CREB3L2: variants seen among roughly 807,000 people sequenced by gnomAD.
CREB3L2 encodes cyclic AMP-responsive element-binding protein 3-like protein 2.
A neutral mutation model predicts 57.2 loss-of-function variants in CREB3L2; 23 were observed. The ratio of observed to expected loss-of-function variants is 0.40; its 90% CI spans 0.29 to 0.57. The LOEUF (loss-of-function observed/expected upper bound fraction) is 0.57. Among genes scored for constraint, CREB3L2 ranks in the 20% least tolerant of loss-of-function variants. The probability of loss-of-function intolerance (pLI) is 0.42; values close to 1 mark genes in which losing one functional copy is unlikely to be tolerated. For synonymous variants in CREB3L2, 268 were observed against 265.1 expected (o/e 1.01, Z -0.11); for missense variants, 628 against 634.7 (o/e 0.99, Z 0.11).
At chr7:137,896,592 C>G (rs144704930) in intron 8 of CREB3L2, among the ~76,000 whole-genome samples, 1 of 152,130 alleles carries the variant, frequency 6.6e-6, no homozygotes, top group Non-Finnish European at 1.5e-5. Flanking sequence ...TGAGCCACCG[C>G]GCCAGGTCTT....
chr7:137,879,636 G>A lies in CREB3L2; in HGVS notation c.*840C>T, dbSNP rs1282648499. The A allele has an allele frequency of 4.1e-6, 1 of 245,302 alleles. No homozygotes were observed. The highest frequency in any genetic ancestry group is 2.2e-5 in the African/African-American group (1 of 45,330). The allele number at this position is 245,302 out of a possible 1,614,324, so 15.2% of individuals were successfully genotyped here. ...GAAAGACACGGGATCCCAGAGCCTA[G>A]GGTGCCCTCCTAGCTCTGAAGGCTC... On this transcript the variant is annotated 3_prime_UTR_variant, in exon 12 of 12. Coordinates refer to ENST00000330387, the MANE Select transcript of CREB3L2 (RefSeq NM_194071.4).
chr7:137,886,957 TAA>T (rs1485071715), intron 8 of CREB3L2, among the ~76,000 whole-genome samples: 3 of 152,240 alleles, frequency 2.0e-5, no homozygotes, highest in Admixed American at 6.5e-5. Flanking sequence ...GTGAGTGGTG[TAA>T]AGAGTTGAAG....
chr7:137,881,727 T>G (rs1799296337), intron 11 of CREB3L2, among the ~76,000 whole-genome samples: 1 of 152,154 alleles, frequency 6.6e-6, no homozygotes, highest in South Asian at 2.1e-4. Flanking sequence ...ACCAGGAGCA[T>G]GCATGCAGGC....
At chr7:137,927,397 GGGAA>G (rs200359057) in intron 2 of CREB3L2, among the ~76,000 whole-genome samples, 3 of 136,682 alleles carry the variant, frequency 2.2e-5, no homozygotes, top group African/African-American at 9.2e-5. Context: ...GAGGGAAGGA[GGGAA>G]GGAAGGGAAG....
chr7:137,936,243 C>G (rs929083834), intron 1 of CREB3L2, among the ~76,000 whole-genome samples: 1 of 152,316 alleles, frequency 6.6e-6, no homozygotes, highest in African/African-American at 2.4e-5. Flanking sequence ...TGTGCCCCAT[C>G]ATCCAGAGAA....
At position 137,914,170 on chromosome 7, in the gene CREB3L2, CAATT is replaced by C. The variant is rs1490528577; in HGVS notation, c.496-1096_496-1093del. On this transcript the variant is annotated intron_variant, in intron 3 of 11. Transcript: ENST00000330387. ...ATTAATAATTAATAATGTTATAATACAATTAATATAATTATTAATAATTAATATT... is the reference window on the plus strand; with the variant it reads ...ATTAATAATTAATAATGTTATAATACAATATAATTATTAATAATTAATATT... Among the ~76,000 whole-genome samples the C allele has an allele frequency of 1.4e-4, 21 of 148,934 alleles. No individual in the cohort carries two copies. The South Asian group carries it at 1.7e-3, about 12-fold the overall frequency.
chr7:137,947,961 A>G (rs1025475145), intron 1 of CREB3L2, among the ~76,000 whole-genome samples: 1 of 152,068 alleles, frequency 6.6e-6, no homozygotes, highest in Non-Finnish European at 1.5e-5. Flanking sequence ...CTCCCTCACT[A>G]GCCTGGAGCC....
intron 1 of CREB3L2, among the ~76,000 whole-genome samples, chr7:137,951,453 C>G (rs1422893890): frequency 6.6e-6 from 1 of 152,070 alleles, no homozygotes; most frequent in Non-Finnish European, 1.5e-5. Flanking sequence ...ATCAGACACC[C>G]GCAAGAACCT....
intron 1 of CREB3L2, among the ~76,000 whole-genome samples, chr7:137,929,581 G>A (rs1193706219): frequency 1.3e-5 from 2 of 151,720 alleles, no homozygotes; most frequent in African/African-American, 4.8e-5. Flanking sequence ...TATAAAATAG[G>A]GCCAGGCACG....
At chr7:137,939,213 T>C (rs956129430) in intron 1 of CREB3L2, among the ~76,000 whole-genome samples, 2 of 152,182 alleles carry the variant, frequency 1.3e-5, no homozygotes, top group African/African-American at 4.8e-5. Flanking sequence ...AGTATTTACA[T>C]ATGACAAAAC....
At chr7:137,919,892 G>A (rs948096732) in intron 2 of CREB3L2, among the ~76,000 whole-genome samples, 6 of 152,098 alleles carry the variant, frequency 3.9e-5, no homozygotes, top group Non-Finnish European at 7.4e-5. Context: ...CTGGATAATC[G>A]TTCAGAACAT....
chr7:137,980,831 C>G lies in CREB3L2; in HGVS notation c.102+20773G>C, dbSNP rs1049579125. On this transcript the variant is annotated intron_variant, in intron 1 of 11. Coordinates refer to ENST00000330387, the MANE Select transcript of CREB3L2 (RefSeq NM_194071.4). This position sits in a 1 kb window ranked among gnomAD's most constrained non-coding sequence, Gnocchi z 4.3. ...AAGAGTGACCAGCTCCTCTCTTTGC[C>G]TCTCCTGCTCTTTACTGATGCACTG... is the stretch of plus-strand genomic sequence containing the variant. Among the ~76,000 whole-genome samples, 15 of 152,308 alleles carry G rather than the reference C, an allele frequency of 9.8e-5. No individual in the cohort carries two copies. Among genetic ancestry groups the G allele is most frequent in the Admixed American group, 2.0e-4 (3 of 15,306 alleles).
intron 1 of CREB3L2, among the ~76,000 whole-genome samples, chr7:137,947,551 T>C (rs1336733583): frequency 6.6e-6 from 1 of 152,064 alleles, no homozygotes; most frequent in Non-Finnish European, 1.5e-5. Context: ...ATCCCGCCAT[T>C]TGCCCCCCTT....
Position 137,880,324 on chromosome 7 carries a change from G to C in CREB3L2, c.*152C>G, listed in dbSNP as rs572511961. The C allele has an allele frequency of 1.7e-4, 109 of 659,878 alleles. 1 individual carries two copies. In the South Asian group the frequency reaches 1.7e-3, roughly 10 times the overall value. 40.9% of individuals were successfully genotyped at this position (659,878 alleles called of 1,614,324 possible). ...AGGGGGAGATGCTCTCTCACTGCAG[G>C]GAAGTCCCAGGCTGGTCTCCAATCT... is the stretch of plus-strand genomic sequence containing the variant. On this transcript the variant is annotated 3_prime_UTR_variant, in exon 12 of 12. Transcript: ENST00000330387. This position sits in a 1 kb window ranked among gnomAD's most constrained non-coding sequence, Gnocchi z 4.0.
At chr7:137,940,835 C>T (rs1800869880) in intron 1 of CREB3L2, among the ~76,000 whole-genome samples, 1 of 152,196 alleles carries the variant, frequency 6.6e-6, no homozygotes, top group Non-Finnish European at 1.5e-5. Context: ...AATCTCATCC[C>T]TAGAGGGCCA....
In CREB3L2 at chr7:137,980,154, C is replaced by T. The variant is rs1372002779; in HGVS notation, c.102+21450G>A. Among the ~76,000 whole-genome samples, 1 of 152,210 alleles carries T rather than the reference C, an allele frequency of 6.6e-6. No individual in the cohort carries two copies. Among genetic ancestry groups the T allele is most frequent in the African/African-American group, 2.4e-5 (1 of 41,452 alleles). ...TCCCAGGAGATGAATGTTGCCAGAC[C>T]ATGGACCATGCTTTGAGTAGTCATA... On this transcript the variant is annotated intron_variant, in intron 1 of 11. Transcript: ENST00000330387. This position sits in a 1 kb window ranked among gnomAD's most constrained non-coding sequence, Gnocchi z 4.3.
At chr7:137,898,460 T>C (rs273944) in intron 8 of CREB3L2, among the ~76,000 whole-genome samples, 87,880 of 152,164 alleles carry the variant, frequency 0.58, 28,458 homozygotes, top group Admixed American at 0.7. Flanking sequence ...TGTGTACCCA[T>C]GTTCATTAAC....
chr7:137,908,065 G>A (rs1799927380), intron 5 of CREB3L2, among the ~76,000 whole-genome samples, 187 bp downstream of exon 5: 1 of 152,212 alleles, frequency 6.6e-6, no homozygotes, highest in African/African-American at 2.4e-5. Context: ...AGTAAAAGGT[G>A]AGATGTGCGG....
At chr7:137,986,572 G>T (rs1195795097) in intron 1 of CREB3L2, among the ~76,000 whole-genome samples, 1 of 152,206 alleles carries the variant, frequency 6.6e-6, no homozygotes, top group Non-Finnish European at 1.5e-5. Flanking sequence ...GGTGATAAGG[G>T]CTATGAAGTT....
Sources: allele counts gnomAD v4.1 joint callset (sites outside exome capture counted in the v4.1 genomes callset), GRCh38; gene constraint gnomAD v4.1.1; non-coding constraint Gnocchi (gnomAD v3.1); transcripts MANE v1.5; gene names NCBI Gene and HGNC (gene_info 2026-07-23, HGNC 2026-07-21).